CCND3: variants seen among roughly 807,000 people sequenced by gnomAD.
The protein encoded by CCND3 is cyclin D3, also known as G1/S-specific cyclin-D3.
CCND3 carries 9 observed loss-of-function variants against 28.7 expected under a neutral mutation model. That is an observed-to-expected ratio of 0.31 (90% CI 0.19 to 0.55). The LOEUF is 0.55. Ranked by LOEUF, CCND3 falls within the 20% of genes least tolerant of loss-of-function variation. CCND3 has a pLI of 0.93. For missense variants in CCND3, 315 were observed against 385.8 expected (o/e 0.82, Z 1.54); for synonymous variants, 164 against 163.9 (o/e 1.00, Z 0.00).
At position 41,941,675 on chromosome 6, in the gene CCND3, G is replaced by T; in HGVS notation, c.-26C>A. The T allele has an allele frequency of 7.3e-7, 1 of 1,368,828 alleles. No individual in the cohort carries two copies. The highest frequency in any genetic ancestry group is 1.6e-5 in the South Asian group (1 of 60,626). The allele number at this position is 1,368,828 out of a possible 1,614,324, so 84.8% of individuals were successfully genotyped here. Reference sequence around the variant, plus strand: ...ACTCGGGCAGCGAACAGGCAGGGCGGGAGTGCGGGCTCGCGAGTCCCAAGG... The same window carrying T: ...ACTCGGGCAGCGAACAGGCAGGGCGTGAGTGCGGGCTCGCGAGTCCCAAGG... On this transcript the variant is annotated 5_prime_UTR_variant, in exon 1 of 5. Coordinates refer to ENST00000372991, the MANE Select transcript of CCND3 (RefSeq NM_001760.5). This position sits in a 1 kb window ranked among gnomAD's most constrained non-coding sequence, Gnocchi z 6.1.
chr6:42,031,113 G>C (rs1475766143), intron 1 of CCND3: 1 of 152,260 alleles, frequency 6.6e-6, no homozygotes, highest in African/African-American at 2.4e-5. Context: ...TGGGGAGGCA[G>C]ACTCTATGGG....
intron 1 of CCND3, among the ~76,000 whole-genome samples, chr6:42,000,401 C>T (rs148345135): frequency 0.019 from 2,838 of 150,054 alleles, 107 homozygotes; most frequent in African/African-American, 0.064. Context: ...ACACCACACC[C>T]GGCTAATTTT....
At chr6:41,937,784 T>C (rs1775857712) in intron 2 of CCND3, 1 of 217,026 alleles carries the variant, frequency 4.6e-6, no homozygotes, top group African/African-American at 2.3e-5. Context: ...TGGGCTCTCT[T>C]CTGGGATGAA....
intron 1 of CCND3, among the ~76,000 whole-genome samples, chr6:41,970,604 C>A (rs957996548): frequency 2.0e-5 from 3 of 152,118 alleles, no homozygotes; most frequent in Non-Finnish European, 4.4e-5. Flanking sequence ...AATCTCCCAT[C>A]CCTTTCAAAA....
intron 1 of CCND3, among the ~76,000 whole-genome samples, chr6:41,999,747 C>G (rs1016811354): frequency 2.0e-5 from 3 of 151,858 alleles, no homozygotes; most frequent in African/African-American, 4.8e-5. Context: ...TTTAAAAGGC[C>G]GGACATGGTG....
intron 1 of CCND3, among the ~76,000 whole-genome samples, chr6:41,984,367 A>G (rs1396371323): frequency 6.6e-6 from 1 of 152,094 alleles, no homozygotes; most frequent in African/African-American, 2.4e-5. Context: ...TTTGTTTGAG[A>G]CGCAGTTTCG....
At chr6:42,040,502 G>A (rs1764338951) in intron 1 of CCND3, among the ~76,000 whole-genome samples, 1 of 152,054 alleles carries the variant, frequency 6.6e-6, no homozygotes, top group Admixed American at 6.6e-5. Flanking sequence ...AATACAACCA[G>A]CTATATGACT....
intron 1 of CCND3, among the ~76,000 whole-genome samples, chr6:42,004,084 G>GTGTA (rs1763108519): frequency 6.7e-6 from 1 of 150,126 alleles, no homozygotes; most frequent in Non-Finnish European, 1.5e-5. Context: ...GTGTGTGTGT[G>GTGTA]TGTGTATGTA....
At chr6:42,026,328 C>T (rs1763876359) in intron 1 of CCND3, among the ~76,000 whole-genome samples, 1 of 151,836 alleles carries the variant, frequency 6.6e-6, no homozygotes, top group Non-Finnish European at 1.5e-5. Flanking sequence ...ATGAACCTCA[C>T]CCTGATCCTA....
intron 1 of CCND3, among the ~76,000 whole-genome samples, chr6:42,019,345 C>T (rs1466537467): frequency 2.6e-5 from 4 of 151,720 alleles, no homozygotes; most frequent in East Asian, 1.9e-4. Context: ...AAAAATTAGC[C>T]GGGTGTGGTG....
intron 1 of CCND3, among the ~76,000 whole-genome samples, chr6:42,037,290 T>C (rs769353204): frequency 1.2e-4 from 18 of 146,384 alleles, no homozygotes; most frequent in Non-Finnish European, 2.7e-4. Context: ...CAGGCTGGAG[T>C]GCAGTGGCAC....
At chr6:42,023,950 G>T (rs1763789051) in intron 1 of CCND3, among the ~76,000 whole-genome samples, 1 of 152,142 alleles carries the variant, frequency 6.6e-6, no homozygotes, top group Non-Finnish European at 1.5e-5. Context: ...CACAATAACA[G>T]CCTAATACAT....
chr6:41,962,906 A>G (rs1346408757), intron 1 of CCND3, among the ~76,000 whole-genome samples: 2 of 152,140 alleles, frequency 1.3e-5, no homozygotes, highest in East Asian at 3.9e-4. Flanking sequence ...GCGTGCCACC[A>G]TATGCCCAGC....
At chr6:42,014,557 G>C (rs189751369) in intron 1 of CCND3, among the ~76,000 whole-genome samples, 14 of 152,274 alleles carry the variant, frequency 9.2e-5, no homozygotes, top group Admixed American at 2.0e-4. Context: ...ATACATACCA[G>C]GTCAGTGGGG....
chr6:41,973,098 A>AG (rs1281232726), intron 1 of CCND3, among the ~76,000 whole-genome samples: 1 of 152,116 alleles, frequency 6.6e-6, no homozygotes, highest in Non-Finnish European at 1.5e-5. Context: ...AAATATCCAA[A>AG]GGGGGAATTA....
chr6:41,936,430 C>G lies in CCND3; in HGVS notation c.711+129G>C. On this transcript the variant is annotated intron_variant, in intron 4 of 4. Transcript: ENST00000372991. The surrounding 1 kb of genome is among the most constrained non-coding windows in gnomAD (Gnocchi z 4.4). ...GACCAAGGCAGGAGATAAAAAGCCACAAAGCCCCAAGGTTGTGAAACCAGG... is the reference window on the plus strand; with the variant it reads ...GACCAAGGCAGGAGATAAAAAGCCAGAAAGCCCCAAGGTTGTGAAACCAGG... The G allele has an allele frequency of 4.3e-6, 5 of 1,151,376 alleles. No individual in the cohort carries two copies. Among genetic ancestry groups the G allele is most frequent in the Non-Finnish European group, 6.2e-6 (5 of 804,164 alleles). 71.3% of individuals were successfully genotyped at this position (1,151,376 alleles called of 1,614,324 possible). A position where few individuals can be genotyped will look rare whatever the true frequency, so the allele number is the denominator to read the frequency against.
intron 1 of CCND3, among the ~76,000 whole-genome samples, chr6:42,040,462 G>A (rs1187051527): frequency 3.3e-5 from 5 of 151,952 alleles, no homozygotes; most frequent in Admixed American, 1.3e-4. Flanking sequence ...GTCTGACTGA[G>A]GTCAGAGTTA....
In CCND3 at chr6:41,935,754, CAG is replaced by C; in HGVS notation, c.*184_*185del. On this transcript the variant is annotated 3_prime_UTR_variant, in exon 5 of 5. Transcript: ENST00000372991. ...AGGAGCTTGACTAGCCACCGAAATG[CAG>C]ACATGGCTGGCCGGGCCCCTTAGTG... The C allele has an allele frequency of 1.7e-6, 1 of 586,134 alleles. No homozygotes were observed. Among genetic ancestry groups the C allele is most frequent in the Non-Finnish European group, 3.0e-6 (1 of 329,322 alleles). 36.3% of individuals were successfully genotyped at this position (586,134 alleles called of 1,614,324 possible).
chr6:42,031,029 C>G, intron 1 of CCND3, among the ~76,000 whole-genome samples: 1 of 152,118 alleles, frequency 6.6e-6, no homozygotes, highest in East Asian at 1.9e-4. Flanking sequence ...TTATTCTGAT[C>G]TCCCTCTTCA....
Sources: allele counts gnomAD v4.1 joint callset (sites outside exome capture counted in the v4.1 genomes callset), GRCh38; gene constraint gnomAD v4.1.1; non-coding constraint Gnocchi (gnomAD v3.1); transcripts MANE v1.5; gene names NCBI Gene and HGNC (gene_info 2026-07-23, HGNC 2026-07-21).